Variants in TEX9 observed in about 807,000 individuals in gnomAD.
TEX9 encodes the protein testis-expressed protein 9.
TEX9 carries 74 observed loss-of-function variants against 59.6 expected under a neutral mutation model. The ratio of observed to expected loss-of-function variants is 1.24; its 90% CI spans 1.03 to 1.51. TEX9 has a LOEUF of 1.51. Ranked by LOEUF, TEX9 falls within the 40% of genes most tolerant of loss-of-function variation. The pLI is 0.00. For synonymous variants in TEX9, 186 were observed against 152.2 expected (o/e 1.22, Z -1.64); for missense variants, 522 against 447.8 (o/e 1.17, Z -1.49).
chr15:56,445,522 A>G (rs993087849), intron 12 of TEX9: 5 of 152,046 alleles, frequency 3.3e-5, no homozygotes, highest in Admixed American at 6.5e-5. Context: ...CCTTTAACAT[A>G]TACTCTGATA....
intron 1 of TEX9, among the ~76,000 whole-genome samples, chr15:56,254,515 C>G (rs555043598): frequency 3.4e-4 from 52 of 151,476 alleles, no homozygotes; most frequent in Non-Finnish European, 6.6e-4. Context: ...AGGCTCCTCA[C>G]TCTGAAAAGA....
chr15:56,282,865 T>C (rs1241424766), intron 1 of TEX9, among the ~76,000 whole-genome samples: 4 of 152,124 alleles, frequency 2.6e-5, no homozygotes, highest in African/African-American at 9.7e-5. Flanking sequence ...GACAAAACTT[T>C]GGTGGGATAT....
At chr15:56,329,997 A>T (rs573215062) in intron 1 of TEX9, among the ~76,000 whole-genome samples, 50 of 152,192 alleles carry the variant, frequency 3.3e-4, no homozygotes, top group Admixed American at 7.9e-4. Flanking sequence ...AAAGTCAAGG[A>T]TAAAGAAAGG....
chr15:56,344,413 C>T lies in TEX9; in HGVS notation c.-106-29028C>T, dbSNP rs1448727609. ...ACTGTGCTAAATGAAAGAAGCCAAT[C>T]ACAAAGGACTATGTTGTGTAATTCC... On this transcript the variant is annotated intron_variant, in intron 1 of 5. Transcript: ENST00000560827. 2.0e-5 allele frequency among the ~76,000 whole-genome samples: 3 copies of T among 152,116 alleles called. No homozygotes were observed. The East Asian group carries it at 5.8e-4, about 29-fold the overall frequency.
intron 9 of TEX9, among the ~76,000 whole-genome samples, chr15:56,411,879 T>C (rs1052888426): frequency 2.0e-5 from 3 of 152,170 alleles, no homozygotes; most frequent in Non-Finnish European, 4.4e-5. Flanking sequence ...AATGAATATA[T>C]TCTGAAAAGA....
At chr15:56,254,505 A>T (rs534762266) in intron 1 of TEX9, among the ~76,000 whole-genome samples, 43 of 151,652 alleles carry the variant, frequency 2.8e-4, no homozygotes, top group Admixed American at 5.3e-4. Context: ...AGGCACAGGG[A>T]GGCTCCTCAC....
intron 1 of TEX9, among the ~76,000 whole-genome samples, chr15:56,294,727 C>A (rs2045177801): frequency 6.6e-6 from 1 of 151,996 alleles, no homozygotes; most frequent in Non-Finnish European, 1.5e-5. Context: ...GGAGGAAATA[C>A]CATGGTAATG....
chr15:56,270,280 T>C (rs1192251601), intron 1 of TEX9, among the ~76,000 whole-genome samples: 2 of 152,318 alleles, frequency 1.3e-5, no homozygotes, highest in African/African-American at 4.8e-5. Context: ...TGTGGGAGTC[T>C]AAGTCTTTTT....
chr15:56,410,463 GT>G (rs143947671), intron 9 of TEX9, among the ~76,000 whole-genome samples: 9 of 146,774 alleles, frequency 6.1e-5, no homozygotes, highest in East Asian at 2.0e-4. Context: ...ATTTTCTTAG[GT>G]TTTTTTTTTA....
intron 9 of TEX9, among the ~76,000 whole-genome samples, chr15:56,401,215 G>C (rs1233533692): frequency 1.4e-5 from 2 of 147,354 alleles, no homozygotes; most frequent in African/African-American, 2.5e-5. Flanking sequence ...AGACCCATCA[G>C]TGTGCTGTAT....
chr15:56,443,608 C>G, intron 12 of TEX9: 1 of 1,594,100 alleles, frequency 6.3e-7, no homozygotes, highest in South Asian at 1.2e-5. Context: ...CAGAATTTTA[C>G]TAGTGTTAAA....
chr15:56,352,186 G>A (rs915437952), intron 1 of TEX9, among the ~76,000 whole-genome samples: 13 of 152,280 alleles, frequency 8.5e-5, no homozygotes, highest in African/African-American at 3.1e-4. Flanking sequence ...TCCTAGACAG[G>A]AGTGGGTTGG....
At chr15:56,452,788 G>T in the TEX9 span, among the ~76,000 whole-genome samples, 1 of 152,026 alleles carries the variant, frequency 6.6e-6, no homozygotes, top group Admixed American at 6.5e-5. Flanking sequence ...AAAGTGCTGG[G>T]ATTACAGGCA....
intron 1 of TEX9, among the ~76,000 whole-genome samples, chr15:56,299,192 C>G (rs2045284865): frequency 6.6e-6 from 1 of 152,232 alleles, no homozygotes. Context: ...AGCAATGGCC[C>G]TGTGCCACAG....
chr15:56,428,556 G>C (rs887225355), intron 12 of TEX9: 1 of 684,872 alleles, frequency 1.5e-6, no homozygotes, highest in Non-Finnish European at 2.3e-6. Flanking sequence ...GATTATGAAA[G>C]CAAAATAATT....
intron 1 of TEX9, among the ~76,000 whole-genome samples, chr15:56,294,427 T>C (rs1006101776): frequency 6.6e-6 from 1 of 152,224 alleles, no homozygotes; most frequent in Non-Finnish European, 1.5e-5. Flanking sequence ...TAACATTATT[T>C]TACTTGGAAA....
intron 12 of TEX9, among the ~76,000 whole-genome samples, chr15:56,440,661 C>G (rs1169027165): frequency 6.6e-6 from 1 of 152,016 alleles, no homozygotes; most frequent in Non-Finnish European, 1.5e-5. Context: ...TCAATACAAG[C>G]AACTTGGATG....
intron 12 of TEX9, among the ~76,000 whole-genome samples, chr15:56,436,466 G>T (rs1174099073): frequency 5.9e-5 from 9 of 152,144 alleles, no homozygotes; most frequent in African/African-American, 2.2e-4. Context: ...AGTGTGTAGA[G>T]GGAAATTTAT....
intron 1 of TEX9, among the ~76,000 whole-genome samples, chr15:56,267,404 T>A (rs1374162056): frequency 6.6e-6 from 1 of 152,200 alleles, no homozygotes; most frequent in African/African-American, 2.4e-5. Context: ...TCCTTGCCCA[T>A]GCCTATGTCC....
Sources: allele counts gnomAD v4.1 joint callset (sites outside exome capture counted in the v4.1 genomes callset), GRCh38; gene constraint gnomAD v4.1.1; transcripts MANE v1.5; gene names NCBI Gene and HGNC (gene_info 2026-07-23, HGNC 2026-07-21).